INPP5A: variants seen among roughly 807,000 people sequenced by gnomAD.
INPP5A encodes the protein inositol polyphosphate-5-phosphatase A.
In INPP5A, 14 loss-of-function variants were observed where a neutral mutation model predicts 65.2. That is an observed-to-expected ratio of 0.21 (90% CI 0.14 to 0.34). The LOEUF is 0.34. INPP5A is among the 10% of genes least tolerant of loss of function. The pLI is 1.00. For missense variants in INPP5A, 431 were observed against 545.6 expected, an observed-to-expected ratio of 0.79 and a Z score of 2.09; for synonymous variants, 207 against 208.3, an observed-to-expected ratio of 0.99 and a Z score of 0.05.
intron 1 of INPP5A, among the ~76,000 whole-genome samples, chr10:132,542,588 G>A (rs986486961): frequency 6.6e-6 from 1 of 152,088 alleles, no homozygotes; most frequent in South Asian, 2.1e-4. Context: ...CGAGTGGGGT[G>A]GGGGGGTCTC....
In INPP5A at chr10:132,616,366, G is replaced by A. The variant is rs955908935; in HGVS notation, c.117+8410G>A. Among the ~76,000 whole-genome samples the A allele has an allele frequency of 4.5e-4, 69 of 151,912 alleles. No individual in the cohort carries two copies. Among genetic ancestry groups the A allele is most frequent in the African/African-American group, 1.2e-3 (48 of 41,342 alleles). On this transcript the variant is annotated intron_variant, in intron 2 of 15. Coordinates refer to ENST00000368594, the MANE Select transcript of INPP5A (RefSeq NM_005539.5). This position sits in a 1 kb window ranked among gnomAD's most constrained non-coding sequence, Gnocchi z 4.9. ...GCGTGGTGTGGGGCACGTGGCGTGC[G>A]GGGACGCCGTGGGCGTGGTGTGAGG... is the stretch of plus-strand genomic sequence containing the variant.
chr10:132,745,545 T>C (rs1564995847), intron 9 of INPP5A, among the ~76,000 whole-genome samples: 1 of 113,702 alleles, frequency 8.8e-6, no homozygotes, highest in Non-Finnish European at 2.2e-5. Flanking sequence ...TTCCTCCTCA[T>C]GTGAGGCATG....
intron 8 of INPP5A, among the ~76,000 whole-genome samples, chr10:132,719,869 G>T (rs1444018613): frequency 6.7e-6 from 1 of 149,862 alleles, no homozygotes; most frequent in Non-Finnish European, 1.5e-5. Context: ...GTTCTGTCTG[G>T]GCGCCTTAGA....
chr10:132,577,545 GT>G (rs764214025), intron 1 of INPP5A, among the ~76,000 whole-genome samples: 4 of 152,242 alleles, frequency 2.6e-5, no homozygotes, highest in Non-Finnish European at 5.9e-5. Context: ...CCCTGTTTTG[GT>G]GGCCATCAGG....
In INPP5A at chr10:132,697,727, T is replaced by C. The variant is rs1430375060; in HGVS notation, c.371-89T>C. ...GGGGCCTCTCTGGCTCCCATCGGGCTGAAGTCGGGTGGAAACAGGTTGTGC... is the reference window on the plus strand; with the variant it reads ...GGGGCCTCTCTGGCTCCCATCGGGCCGAAGTCGGGTGGAAACAGGTTGTGC... On this transcript the variant is annotated intron_variant, in intron 5 of 15. Coordinates refer to ENST00000368594, the MANE Select transcript of INPP5A (RefSeq NM_005539.5). The surrounding 1 kb of genome is among the most constrained non-coding windows in gnomAD (Gnocchi z 5.6). The C allele has an allele frequency of 3.3e-6, 3 of 905,258 alleles. No individual in the cohort carries two copies. In the African/African-American group the frequency reaches 4.9e-5, roughly 15 times the overall value. 56.1% of individuals were successfully genotyped at this position (905,258 alleles called of 1,614,324 possible). A position where few individuals can be genotyped will look rare whatever the true frequency, so the allele number is the denominator to read the frequency against.
Position 132,708,038 on chromosome 10 carries a change from G to C in INPP5A, c.475-275G>C, listed in dbSNP as rs777273002. Among the ~76,000 whole-genome samples the C allele has an allele frequency of 3.9e-5, 6 of 152,284 alleles. No homozygotes were observed. In the Middle Eastern group the frequency reaches 0.01, roughly 259 times the overall value. ...GCAGCTGCTCTCACATGGGGGCATG[G>C]GGCTCACAGGCGGCAGGCTGGCACG... is the stretch of plus-strand genomic sequence containing the variant. On this transcript the variant is annotated intron_variant, in intron 6 of 15. Coordinates refer to ENST00000368594, the MANE Select transcript of INPP5A (RefSeq NM_005539.5).
intron 1 of INPP5A, among the ~76,000 whole-genome samples, chr10:132,577,234 C>T (rs932900846): frequency 6.6e-6 from 1 of 152,118 alleles, no homozygotes; most frequent in African/African-American, 2.4e-5. Context: ...CCCCCCGGCA[C>T]GCCGCCCGTG....
At position 132,673,232 on chromosome 10, in the gene INPP5A, CT is replaced by C. The variant is rs375463838; in HGVS notation, c.307-17159del. 2.9e-3 allele frequency among the ~76,000 whole-genome samples: 449 copies of C among 152,346 alleles called. 2 individuals are homozygous for C. The highest frequency in any genetic ancestry group is 0.011 in the African/African-American group (437 of 41,572). Reference sequence around the variant, plus strand: ...CAGTTCAGTGGGATTGCTGTTTGGTCTCGCGGTGGCAGCATTCTTCCCTCTG... The same window carrying C: ...CAGTTCAGTGGGATTGCTGTTTGGTCCGCGGTGGCAGCATTCTTCCCTCTG... On this transcript the variant is annotated intron_variant, in intron 4 of 15. Coordinates refer to ENST00000368594, the MANE Select transcript of INPP5A (RefSeq NM_005539.5).
chr10:132,636,107 T>C lies in INPP5A; in HGVS notation c.118-9761T>C, dbSNP rs554158629. ...ATGGCATGTATTCCATCTGTGTACG[T>C]TGAAAATCCCAGTTGGAAATATTAT... On this transcript the variant is annotated intron_variant, in intron 2 of 15. Transcript: ENST00000368594. Among the ~76,000 whole-genome samples, 14 of 152,164 alleles carry C rather than the reference T, an allele frequency of 9.2e-5. 1 individual carries two copies. In the South Asian group the frequency reaches 2.9e-3, roughly 32 times the overall value.
chr10:132,781,360 G>A (rs201419313), intron 14 of INPP5A, among the ~76,000 whole-genome samples: 4 of 152,178 alleles, frequency 2.6e-5, no homozygotes, highest in East Asian at 1.9e-4. Context: ...GGCACAGATC[G>A]TTTATTCAGG....
intron 12 of INPP5A, among the ~76,000 whole-genome samples, chr10:132,766,100 G>A (rs139013445): frequency 2.0e-4 from 31 of 151,870 alleles, no homozygotes; most frequent in African/African-American, 7.0e-4. Flanking sequence ...GTGTGTGCAC[G>A]AGTGCATCTG....
At position 132,705,595 on chromosome 10, in the gene INPP5A, A is replaced by G. The variant is rs1487836545; in HGVS notation, c.475-2718A>G. 6.6e-6 allele frequency among the ~76,000 whole-genome samples: 1 copy of G among 152,246 alleles called. No individual in the cohort carries two copies. The highest frequency in any genetic ancestry group is 2.4e-5 in the African/African-American group (1 of 41,458). On this transcript the variant is annotated intron_variant, in intron 6 of 15. Transcript: ENST00000368594. The surrounding 1 kb of genome is among the most constrained non-coding windows in gnomAD (Gnocchi z 4.9). ...AGTGTACAGGAAGTCTCTGTACCTT[A>G]TGCTCAATTCTTCTGGAAGCCTAAA...
At chr10:132,625,464 A>T (rs1043774017) in intron 2 of INPP5A, among the ~76,000 whole-genome samples, 10 of 152,144 alleles carry the variant, frequency 6.6e-5, no homozygotes. Context: ...TTCCAGTGAA[A>T]GCAGTTGAGC....
chr10:132,604,126 C>T (rs556670230), intron 1 of INPP5A, among the ~76,000 whole-genome samples: 1 of 143,558 alleles, frequency 7.0e-6, no homozygotes, highest in South Asian at 2.3e-4. Context: ...CCGGCGCACC[C>T]TGTGCTCCTG....
chr10:132,749,831 A>G lies in INPP5A; in HGVS notation c.889A>G (p.Asn297Asp), dbSNP rs1339136588. Residue 297 changes from asparagine (N) to aspartate (D), a missense_variant, in exon 11 of 16, where the codon AAC becomes GAC. Physicochemically the swap from Asn to Asp is conservative, Grantham distance 23 (BLOSUM62 1). Transcript: ENST00000368594. ...CTTCAACCAGGAGGTTTTCCGAGAC[A>G]ACAACGGCACCGCGGTGAGTTTGTG... Reference protein sequence around the residue: ...DYFNQEVFRDNNGTALLEFDK... With the variant: ...DYFNQEVFRDDNGTALLEFDK... 6.2e-7 allele frequency: 1 copy of G among 1,613,210 alleles called. No homozygotes were observed. The highest frequency in any genetic ancestry group is 8.5e-7 in the Non-Finnish European group (1 of 1,179,974).
At chr10:132,645,364 A>G (rs1435001993) in intron 2 of INPP5A, among the ~76,000 whole-genome samples, 1 of 152,098 alleles carries the variant, frequency 6.6e-6, no homozygotes, top group African/African-American at 2.4e-5. Context: ...GCTCCTACAC[A>G]CGTGAACACA....
intron 13 of INPP5A, among the ~76,000 whole-genome samples, chr10:132,778,503 A>T (rs1482665083): frequency 6.6e-6 from 1 of 151,970 alleles, no homozygotes; most frequent in Non-Finnish European, 1.5e-5. Context: ...ACATACAAGG[A>T]GTGTTTTCAG....
chr10:132,677,666 G>A (rs952683789), intron 4 of INPP5A, among the ~76,000 whole-genome samples: 9 of 152,210 alleles, frequency 5.9e-5, no homozygotes, highest in Non-Finnish European at 7.3e-5. Flanking sequence ...AAATGTTAAC[G>A]GGCGCACTCG....
In INPP5A at chr10:132,720,248, T is replaced by A. The variant is rs192937173; in HGVS notation, c.648-6573T>A. Among the ~76,000 whole-genome samples, 104 of 150,388 alleles carry A rather than the reference T, an allele frequency of 6.9e-4. No individual in the cohort carries two copies. In the East Asian group the frequency reaches 0.018, roughly 26 times the overall value. On this transcript the variant is annotated intron_variant, in intron 8 of 15. Transcript: ENST00000368594. ...GTCTGGGCACCTTAGACGGCTGTCT[T>A]GCGGGTTCTGTGGTGCCTGGGTTCT...
Sources: allele counts gnomAD v4.1 joint callset (sites outside exome capture counted in the v4.1 genomes callset), GRCh38; gene constraint gnomAD v4.1.1; non-coding constraint Gnocchi (gnomAD v3.1); transcripts MANE v1.5; gene names NCBI Gene and HGNC (gene_info 2026-07-23, HGNC 2026-07-21).